The following SCIMP variants were observed in gnomAD, a reference collection of about 807,000 sequenced individuals.
The protein encoded by SCIMP is SLP adaptor and CSK interacting membrane protein.
Under a neutral mutation model 22.0 loss-of-function variants are expected in SCIMP, and 18 were observed. The observed-to-expected ratio is 0.82, with a 90% CI of 0.56 to 1.21. SCIMP has a LOEUF of 1.21. Ranked by LOEUF, SCIMP falls within the 50% of genes most tolerant of loss-of-function variation. The probability of loss-of-function intolerance (pLI) is 0.00; values close to 1 mark genes in which losing one functional copy is unlikely to be tolerated. For missense variants in SCIMP, 155 were observed against 171.2 expected, an observed-to-expected ratio of 0.91 and a Z score of 0.53; for synonymous variants, 53 against 62.2, an observed-to-expected ratio of 0.85 and a Z score of 0.70.
chr17:5,226,506 TTC>T (rs59006558), intron 1 of SCIMP, among the ~76,000 whole-genome samples: 71,190 of 138,864 alleles, frequency 0.51, 18,976 homozygotes, highest in Non-Finnish European at 0.65. Context: ...TTTTCTTTCT[TTC>T]TTTTTTTTTT....
chr17:5,230,871 T>C (rs2074688435), intron 1 of SCIMP, among the ~76,000 whole-genome samples: 1 of 152,098 alleles, frequency 6.6e-6, no homozygotes, highest in African/African-American at 2.4e-5. Flanking sequence ...CTCTAGGAGA[T>C]TGAGGCTGCA....
At chr17:5,222,129 G>A (rs192986978) in intron 2 of SCIMP, among the ~76,000 whole-genome samples, 80 of 146,296 alleles carry the variant, frequency 5.5e-4, no homozygotes, top group Middle Eastern at 3.6e-3. Context: ...TCACACTGTC[G>A]CCCAGACTGG....
At position 5,229,036 on chromosome 17, in the gene SCIMP, T is replaced by C. The variant is rs927902557; in HGVS notation, c.22-5580A>G. Among the ~76,000 whole-genome samples the C allele has an allele frequency of 3.3e-5, 5 of 152,140 alleles. No individual in the cohort carries two copies. In the East Asian group the frequency reaches 9.6e-4, roughly 29 times the overall value. Reference sequence around the variant, plus strand: ...CACGCGACCCTGGGCAGGCTCCCCGTCCTGCGCTGGCCATTGGCTACTGGG... The same window carrying C: ...CACGCGACCCTGGGCAGGCTCCCCGCCCTGCGCTGGCCATTGGCTACTGGG... On this transcript the variant is annotated intron_variant, in intron 1 of 4. Transcript: ENST00000574081.
chr17:5,219,027 A>C (rs1263852402), intron 3 of SCIMP, among the ~76,000 whole-genome samples: 1 of 152,096 alleles, frequency 6.6e-6, no homozygotes, highest in African/African-American at 2.4e-5. Context: ...CTTCCTAATA[A>C]GAGTGTCTCC....
intron 1 of SCIMP, among the ~76,000 whole-genome samples, chr17:5,231,795 C>T (rs1448133017): frequency 6.6e-6 from 1 of 152,222 alleles, no homozygotes; most frequent in African/African-American, 2.4e-5. Flanking sequence ...TGGCTCACGC[C>T]TGTAATCCCA....
In SCIMP at chr17:5,209,109, C is replaced by G. The variant is rs575005382; in HGVS notation, c.*1692G>C. ...AGGCCATAGTTAGATAACTACTGGC[C>G]TAACATAAGGAGGGTTTATTTATTT... On this transcript the variant is annotated 3_prime_UTR_variant, in exon 5 of 5. Transcript: ENST00000574081. 3 of 152,032 alleles carry G rather than the reference C, an allele frequency of 2.0e-5. No individual in the cohort carries two copies. The allele number at this position is 152,032 out of a possible 1,614,324, so 9.4% of individuals were successfully genotyped here. A position where few individuals can be genotyped will look rare whatever the true frequency, so the allele number is the denominator to read the frequency against.
Position 5,210,894 on chromosome 17 carries a change from A to G in SCIMP, c.345T>C (p.Asn115=), listed in dbSNP as rs750491742. The change falls in exon 5 of 5, where the codon AAT becomes AAC. Residue 115 remains asparagine (N), a synonymous_variant. Coordinates refer to ENST00000574081, the MANE Select transcript of SCIMP (RefSeq NM_207103.3). ...ATYSLVNKVK[N]KKTVSIPSYI... The stretch of plus-strand genomic sequence containing the variant: ...AGCTTGGGATGGAAACAGTCTTCTT[A>G]TTTTTAACTTTATTTACCAGTGAGT... The G allele has an allele frequency of 6.2e-7, 1 of 1,614,136 alleles. No homozygotes were observed. The highest frequency in any genetic ancestry group is 8.5e-7 in the Non-Finnish European group (1 of 1,180,020).
In SCIMP at chr17:5,223,395, A is replaced by G. The variant is rs1250014934; in HGVS notation, c.83T>C (p.Ile28Thr). The part of the protein sequence containing the change: ...NFWIILAVAI[I>T]VVSVGLGLIL... ...GAGGCCCAGACCCACAGAGACAACGATGATGGCCACAGCTAAGATGATCCA... is the reference window on the plus strand; with the variant it reads ...GAGGCCCAGACCCACAGAGACAACGGTGATGGCCACAGCTAAGATGATCCA... The change falls in exon 2 of 5, where the codon ATC becomes ACC. Residue 28 changes from isoleucine to threonine, a missense_variant. Coordinates refer to ENST00000574081, the MANE Select transcript of SCIMP (RefSeq NM_207103.3). 6.2e-7 allele frequency: 1 copy of G among 1,613,546 alleles called. No individual in the cohort carries two copies. The highest frequency in any genetic ancestry group is 1.7e-5 in the Admixed American group (1 of 59,972).
chr17:5,234,597 C>A (rs536020125), intron 1 of SCIMP, 138 bp downstream of exon 1: 2 of 850,580 alleles, frequency 2.4e-6, no homozygotes, highest in East Asian at 5.2e-5. Context: ...ACACAGCAGT[C>A]GTACCAGGGC....
At chr17:5,221,699 G>T (rs1399704131) in intron 2 of SCIMP, among the ~76,000 whole-genome samples, 1 of 152,204 alleles carries the variant, frequency 6.6e-6, no homozygotes, top group Non-Finnish European at 1.5e-5. Context: ...TTGTTAATAG[G>T]AGTGGTTGAG....
chr17:5,230,589 T>G (rs937606403), intron 1 of SCIMP, among the ~76,000 whole-genome samples: 5 of 152,166 alleles, frequency 3.3e-5, no homozygotes, highest in Admixed American at 1.3e-4. Flanking sequence ...TTAACCTACC[T>G]TACTTGATTT....
intron 3 of SCIMP, among the ~76,000 whole-genome samples, chr17:5,220,778 G>A (rs764512823): frequency 6.6e-6 from 1 of 150,466 alleles, no homozygotes; most frequent in Non-Finnish European, 1.5e-5. Context: ...GAACTACCAG[G>A]CGGGCCTGGT....
intron 4 of SCIMP, among the ~76,000 whole-genome samples, chr17:5,212,249 T>C (rs2074530900): frequency 6.6e-6 from 1 of 152,206 alleles, no homozygotes. Flanking sequence ...CCAGAGTTCA[T>C]GTTCACGTTC....
intron 4 of SCIMP, chr17:5,214,012 A>T (rs2074545759): frequency 6.6e-6 from 1 of 152,188 alleles, no homozygotes; most frequent in South Asian, 2.1e-4. Context: ...TTGTAAGAAG[A>T]AACACCAGAA....
intron 1 of SCIMP, among the ~76,000 whole-genome samples, chr17:5,229,401 T>G (rs1471830003): frequency 1.4e-5 from 2 of 139,230 alleles, no homozygotes; most frequent in Non-Finnish European, 1.6e-5. Context: ...TTTTTTTTTT[T>G]TTTTTTTTTT....
intron 3 of SCIMP, 21 bp downstream of exon 3, chr17:5,221,266 G>A (rs780285760): frequency 1.9e-6 from 3 of 1,590,180 alleles, no homozygotes; most frequent in Non-Finnish European, 1.7e-6. Flanking sequence ...GTAAAAAGCG[G>A]AAGGATTCCC....
chr17:5,215,732 C>A (rs1377140444), intron 3 of SCIMP, among the ~76,000 whole-genome samples: 1 of 152,198 alleles, frequency 6.6e-6, no homozygotes, highest in African/African-American at 2.4e-5. Context: ...ATGCTCGCAT[C>A]TGTTCACCAA....
intron 4 of SCIMP, 78 bp downstream of exon 4, chr17:5,214,838 TAAAAAAAAA>T (rs34085108): frequency 1.5e-5 from 7 of 453,172 alleles, no homozygotes; most frequent in South Asian, 6.7e-5. Context: ...AGACTCCATC[TAAAAAAAAA>T]AAAAAAAAAA....
intron 1 of SCIMP, among the ~76,000 whole-genome samples, chr17:5,232,016 AC>A (rs1273143810): frequency 6.6e-6 from 1 of 152,094 alleles, no homozygotes; most frequent in Non-Finnish European, 1.5e-5. Context: ...AGATTGCGCC[AC>A]TGCACTCCAG....
Sources: gnomAD v4.1 joint callset for allele counts (sites outside exome capture counted in the v4.1 genomes callset) on GRCh38, gnomAD v4.1.1 for gene constraint, MANE v1.5 for transcripts, NCBI Gene and HGNC (gene_info 2026-07-23, HGNC 2026-07-21) for gene names.